Variants in RANBP2 observed in about 807,000 individuals in gnomAD.
RANBP2 encodes the protein E3 SUMO-protein ligase RanBP2.
RANBP2 carries 57 observed loss-of-function variants against 303.6 expected under a neutral mutation model. The ratio of observed to expected loss-of-function variants is 0.19; its 90% CI spans 0.15 to 0.23. RANBP2 has a LOEUF of 0.23. Ranked by LOEUF, RANBP2 falls within the 10% of genes least tolerant of loss-of-function variation. The probability of loss-of-function intolerance (pLI) is 1.00; values close to 1 mark genes in which losing one functional copy is unlikely to be tolerated. For missense variants in RANBP2, 3,138 were observed against 3,780.8 expected, an observed-to-expected ratio of 0.83 and a Z score of 4.46; for synonymous variants, 1,167 against 1,301.5, an observed-to-expected ratio of 0.90 and a Z score of 2.23.
chr2:108,928,345 A>C, the RANBP2 span, among the ~76,000 whole-genome samples: 5 of 152,106 alleles, frequency 3.3e-5, no homozygotes. Context: ...CTACCTCCCC[A>C]GCCATGAGGT....
At chr2:108,736,297 T>C (rs1194280278) in intron 6 of RANBP2, 48 bp downstream of exon 6, 1 of 1,610,310 alleles carries the variant, frequency 6.2e-7, no homozygotes. Context: ...GCAGTTTTTC[T>C]TTTTGCAGTA....
chr2:108,907,952 C>A, the RANBP2 span: 8 of 1,613,594 alleles, frequency 5.0e-6, no homozygotes, highest in South Asian at 8.8e-5. Context: ...TTGTCAGGGG[C>A]GGGCTCCTCA....
chr2:109,012,731 G>T, the RANBP2 span, among the ~76,000 whole-genome samples: 1 of 152,128 alleles, frequency 6.6e-6, no homozygotes, highest in Non-Finnish European at 1.5e-5. Context: ...TGGCCAACAC[G>T]GTGAAACCCC....
chr2:109,230,853 G>C, the RANBP2 span, among the ~76,000 whole-genome samples: 1 of 152,296 alleles, frequency 6.6e-6, no homozygotes, highest in Admixed American at 6.5e-5. Context: ...AAATCCCCTA[G>C]GAGTTCACTG....
the RANBP2 span, among the ~76,000 whole-genome samples, chr2:109,139,471 C>T: frequency 1.8e-4 from 28 of 152,168 alleles, no homozygotes; most frequent in Middle Eastern, 3.2e-3. Context: ...GTATCCTGAG[C>T]GGCATCCCCC....
At chr2:109,325,397 A>C in the RANBP2 span, among the ~76,000 whole-genome samples, 1 of 124,504 alleles carries the variant, frequency 8.0e-6, no homozygotes, top group Non-Finnish European at 1.6e-5. Context: ...GCTGGAGTAC[A>C]GTGGTGTGAT....
chr2:109,629,327 ATATATATATATATATATATATATATATAT>A, the RANBP2 span, among the ~76,000 whole-genome samples: 1,241 of 10,814 alleles, frequency 0.11, 93 homozygotes, highest in African/African-American at 0.23. Context: ...ATATATATAT[ATATATATATATATATATATATATATATAT>A]TTTTTTTTTT....
the RANBP2 span, among the ~76,000 whole-genome samples, chr2:108,831,409 T>C: frequency 3.9e-5 from 6 of 152,136 alleles, no homozygotes; most frequent in African/African-American, 1.4e-4. Context: ...ATTCAAAAGA[T>C]AAGAAAAAGT....
the RANBP2 span, among the ~76,000 whole-genome samples, chr2:109,734,388 G>A: frequency 2.0e-5 from 3 of 151,864 alleles, no homozygotes; most frequent in Non-Finnish European, 4.4e-5. Context: ...ATTTACAATA[G>A]CATCTAAAAA....
At position 108,763,983 on chromosome 2, in the gene RANBP2, G is replaced by A. The variant is rs779479279; in HGVS notation, c.3444G>A (p.Glu1148=). 1.2e-6 allele frequency: 2 copies of A among 1,613,964 alleles called. No individual in the cohort carries two copies. The highest frequency in any genetic ancestry group is 8.5e-7 in the Non-Finnish European group (1 of 1,179,940). ...CAGTATTTGGAACACCCACTTTAGAGACAGCAAACAAGAATCATGAGACAG... is the reference window on the plus strand; with the variant it reads ...CAGTATTTGGAACACCCACTTTAGAAACAGCAAACAAGAATCATGAGACAG... The part of the protein sequence containing the change: ...GKSVFGTPTL[E]TANKNHETDG... Residue 1148 remains glutamate, a synonymous_variant, in exon 20 of 29, where the codon GAG becomes GAA. Transcript: ENST00000283195.
chr2:108,856,003 G>T, the RANBP2 span, among the ~76,000 whole-genome samples: 12 of 151,996 alleles, frequency 7.9e-5, no homozygotes, highest in Non-Finnish European at 4.4e-5. Flanking sequence ...CTTGATTATT[G>T]TACATTAAAA....
At chr2:108,843,190 C>T in the RANBP2 span, among the ~76,000 whole-genome samples, 8 of 152,052 alleles carry the variant, frequency 5.3e-5, no homozygotes, top group Non-Finnish European at 1.2e-4. Context: ...CAGGGTCTCA[C>T]TCTGCTGCCC....
chr2:109,703,914 T>C, the RANBP2 span, among the ~76,000 whole-genome samples: 1 of 152,196 alleles, frequency 6.6e-6, no homozygotes, highest in Non-Finnish European at 1.5e-5. Context: ...GTAAATTGGC[T>C]CTTGTCATGG....
the RANBP2 span, among the ~76,000 whole-genome samples, chr2:108,977,417 C>T: frequency 1.3e-5 from 2 of 152,128 alleles, no homozygotes; most frequent in Admixed American, 6.5e-5. Flanking sequence ...TACAGGCACC[C>T]GCCACCATGC....
chr2:108,964,220 C>T, the RANBP2 span, among the ~76,000 whole-genome samples: 2 of 152,118 alleles, frequency 1.3e-5, no homozygotes, highest in Non-Finnish European at 2.9e-5. Flanking sequence ...AGATGGGGCA[C>T]GTTTTTTATT....
the RANBP2 span, among the ~76,000 whole-genome samples, chr2:109,058,103 G>A: frequency 3.9e-5 from 6 of 152,168 alleles, no homozygotes; most frequent in East Asian, 1.9e-4. Flanking sequence ...TGGAAGCCAC[G>A]AGGTCCATCC....
the RANBP2 span, among the ~76,000 whole-genome samples, chr2:109,391,688 T>C: frequency 6.6e-6 from 1 of 152,320 alleles, no homozygotes; most frequent in African/African-American, 2.4e-5. Flanking sequence ...AGTTTGGCAT[T>C]GTCCACAGGC....
chr2:109,114,461 G>A, the RANBP2 span, among the ~76,000 whole-genome samples: 1 of 152,102 alleles, frequency 6.6e-6, no homozygotes, highest in South Asian at 2.1e-4. Context: ...TTGTATTTCT[G>A]TGGGATCGGT....
At chr2:108,935,052 T>G in the RANBP2 span, among the ~76,000 whole-genome samples, 1 of 152,204 alleles carries the variant, frequency 6.6e-6, no homozygotes, top group African/African-American at 2.4e-5. Context: ...ACCTAGTGCC[T>G]GTAGGCATTT....
Sources: allele counts gnomAD v4.1 joint callset (sites outside exome capture counted in the v4.1 genomes callset), GRCh38; gene constraint gnomAD v4.1.1; transcripts MANE v1.5; gene names NCBI Gene and HGNC (gene_info 2026-07-23, HGNC 2026-07-21).